SEMA6D: variants seen among roughly 807,000 people sequenced by gnomAD.
SEMA6D encodes semaphorin-6D.
A neutral mutation model predicts 106.6 loss-of-function variants in SEMA6D; 35 were observed. That is an observed-to-expected ratio of 0.33 (90% confidence interval 0.25 to 0.44). The LOEUF (loss-of-function observed/expected upper bound fraction) is 0.44. Among genes scored for constraint, SEMA6D ranks in the 20% least tolerant of loss-of-function variants. SEMA6D has a pLI of 1.00. For synonymous variants in SEMA6D, 499 were observed against 487.7 expected (o/e 1.02, Z -0.31); for missense variants, 1,185 against 1,345.9 (o/e 0.88, Z 1.87).
intron 1 of SEMA6D, among the ~76,000 whole-genome samples, chr15:47,228,136 G>GTACACA (rs1289729174): frequency 2.7e-5 from 2 of 73,342 alleles, no homozygotes; most frequent in Admixed American, 2.7e-4. Flanking sequence ...ATGTGTGTGT[G>GTACACA]TACACACACA....
chr15:47,494,753 T>G (rs1222208387), intron 3 of SEMA6D, among the ~76,000 whole-genome samples: 107 of 68,440 alleles, frequency 1.6e-3, no homozygotes, highest in African/African-American at 0.01. Flanking sequence ...TATATATATA[T>G]ATATATATAT....
In SEMA6D at chr15:47,225,772, C is replaced by T. The variant is rs1052078130; in HGVS notation, c.-239+41354C>T. Among the ~76,000 whole-genome samples, 13 of 152,002 alleles carry T rather than the reference C, an allele frequency of 8.6e-5. No homozygotes were observed. The East Asian group carries it at 2.3e-3, about 27-fold the overall frequency. Reference sequence around the variant, plus strand: ...CTCGAACTCCTGACCTCAGGTAATCCGCCCACCATGGCCTCCCAAAGTGCT... The same window carrying T: ...CTCGAACTCCTGACCTCAGGTAATCTGCCCACCATGGCCTCCCAAAGTGCT... On this transcript the variant is annotated intron_variant, in intron 1 of 19. Coordinates refer to the SEMA6D transcript ENST00000558014.
At chr15:47,480,232 G>A (rs78901202) in intron 3 of SEMA6D, among the ~76,000 whole-genome samples, 57 of 152,032 alleles carry the variant, frequency 3.7e-4, no homozygotes, top group African/African-American at 1.4e-3. Flanking sequence ...ATAACTTCCA[G>A]AACAACTTCC....
At chr15:47,506,870 G>A (rs1411363693) in intron 3 of SEMA6D, among the ~76,000 whole-genome samples, 1 of 152,026 alleles carries the variant, frequency 6.6e-6, no homozygotes, top group African/African-American at 2.4e-5. Context: ...TCCAGACAGC[G>A]ACTGCAACAA....
chr15:47,609,240 C>T (rs995325615), intron 4 of SEMA6D, among the ~76,000 whole-genome samples: 7 of 152,070 alleles, frequency 4.6e-5, no homozygotes, highest in Non-Finnish European at 1.0e-4. Flanking sequence ...TTACATAGAT[C>T]TTAATAAATA....
intron 1 of SEMA6D, among the ~76,000 whole-genome samples, chr15:47,323,741 C>T (rs1414296613): frequency 2.6e-5 from 4 of 151,974 alleles, no homozygotes; most frequent in African/African-American, 9.7e-5. Context: ...AGAGACGTGG[C>T]ACATATTTAT....
chr15:47,189,849 T>C (rs1007725957), intron 1 of SEMA6D, among the ~76,000 whole-genome samples: 1 of 152,250 alleles, frequency 6.6e-6, no homozygotes, highest in African/African-American at 2.4e-5. Flanking sequence ...GTACACTAAA[T>C]GTGCTTCCAA....
At chr15:47,515,038 C>T (rs2044345255) in intron 3 of SEMA6D, among the ~76,000 whole-genome samples, 1 of 152,190 alleles carries the variant, frequency 6.6e-6, no homozygotes, top group Non-Finnish European at 1.5e-5. Context: ...CATTCTTTCC[C>T]TTGCATTCGC....
chr15:47,201,158 ATTATGCTTCT>A (rs778655964), intron 1 of SEMA6D, among the ~76,000 whole-genome samples: 3 of 152,236 alleles, frequency 2.0e-5, no homozygotes, highest in Non-Finnish European at 2.9e-5. Context: ...TTATTTCTAC[ATTATGCTTCT>A]TTGTTTGTAG....
intron 1 of SEMA6D, among the ~76,000 whole-genome samples, chr15:47,196,111 T>C (rs559180977): frequency 6.6e-6 from 1 of 151,780 alleles, no homozygotes; most frequent in South Asian, 2.1e-4. Flanking sequence ...ACGTTGTAGG[T>C]CCACTAGGAC....
intron 4 of SEMA6D, among the ~76,000 whole-genome samples, chr15:47,626,974 T>C (rs1335565357): frequency 6.6e-6 from 1 of 152,102 alleles, no homozygotes; most frequent in African/African-American, 2.4e-5. Context: ...GGATGTCATA[T>C]GAAACAAGAA....
intron 1 of SEMA6D, among the ~76,000 whole-genome samples, chr15:47,233,342 G>A (rs139253053): frequency 3.3e-4 from 50 of 151,870 alleles, no homozygotes; most frequent in African/African-American, 8.7e-4. Context: ...CTGTACTTTC[G>A]CAATAAGTTT....
At chr15:47,301,311 C>T (rs1034679286) in intron 1 of SEMA6D, among the ~76,000 whole-genome samples, 2 of 152,198 alleles carry the variant, frequency 1.3e-5, no homozygotes, top group African/African-American at 4.8e-5. Context: ...GAACATGCAT[C>T]AGGAAATGCT....
intron 1 of SEMA6D, among the ~76,000 whole-genome samples, chr15:47,354,118 TGAGA>T (rs898605740): frequency 3.4e-5 from 5 of 149,112 alleles, no homozygotes; most frequent in African/African-American, 1.2e-4. Context: ...ATATATGGAA[TGAGA>T]GAGTGTGTAT....
intron 3 of SEMA6D, among the ~76,000 whole-genome samples, chr15:47,522,129 A>G (rs1160402212): frequency 1.3e-5 from 2 of 152,244 alleles, no homozygotes; most frequent in African/African-American, 2.4e-5. Context: ...CATCAGATCA[A>G]CTATACACAT....
intron 4 of SEMA6D, among the ~76,000 whole-genome samples, chr15:47,692,130 G>T (rs2145776626): frequency 6.6e-6 from 1 of 152,262 alleles, no homozygotes; most frequent in Middle Eastern, 3.4e-3. Flanking sequence ...AATAATTTAA[G>T]AGCTATGGGT....
intron 4 of SEMA6D, among the ~76,000 whole-genome samples, chr15:47,641,936 G>A (rs138089018): frequency 1.5e-4 from 23 of 152,294 alleles, no homozygotes; most frequent in African/African-American, 5.5e-4. Flanking sequence ...AGCACAGTGT[G>A]TGTACTGTGC....
chr15:47,567,676 T>G (rs2046267376), intron 3 of SEMA6D, among the ~76,000 whole-genome samples: 1 of 152,220 alleles, frequency 6.6e-6, no homozygotes, highest in Admixed American at 6.5e-5. Context: ...CTTCTAGTTC[T>G]TATAACTGTC....
rs143476244 is a variant in SEMA6D at position 47,765,047 on chromosome 15, A to G, written c.1418A>G (p.Asn473Ser). 41 of 1,613,578 alleles carry G rather than the reference A, an allele frequency of 2.5e-5. No individual in the cohort carries two copies. Among genetic ancestry groups the G allele is most frequent in the African/African-American group, 5.3e-5 (4 of 74,880 alleles). Residue 473 changes from asparagine (N) to serine (S), a missense_variant, in exon 13 of 19, where the codon AAC becomes AGC. Transcript: ENST00000536845. The part of the protein sequence containing the change: ...SVLLEEIEAY[N>S]HAKCSAENEE... ...TTACTGGAAGAGATTGAAGCCTACAACCATGCAAAGTAGGTATATGTTACG... is the reference window on the plus strand; with the variant it reads ...TTACTGGAAGAGATTGAAGCCTACAGCCATGCAAAGTAGGTATATGTTACG...
Sources: gnomAD v4.1 joint callset for allele counts (sites outside exome capture counted in the v4.1 genomes callset) on GRCh38, gnomAD v4.1.1 for gene constraint, MANE v1.5 for transcripts, NCBI Gene and HGNC (gene_info 2026-07-23, HGNC 2026-07-21) for gene names.